C12orf42: variants seen among roughly 807,000 people sequenced by gnomAD.
C12orf42 encodes chromosome 12 open reading frame 42, also known as uncharacterized protein C12orf42.
In C12orf42, 25 loss-of-function variants were observed where a neutral mutation model predicts 21.6. That is an observed-to-expected ratio of 1.16 (90% CI 0.84 to 1.62). The LOEUF (loss-of-function observed/expected upper bound fraction) is 1.62. C12orf42 is among the 40% of genes most tolerant of loss of function. C12orf42 has a pLI of 0.00. For synonymous variants in C12orf42, 174 were observed against 175.0 expected (o/e 0.99, Z 0.05); for missense variants, 483 against 459.3 (o/e 1.05, Z -0.47).
chr12:103,474,454 A>ATGTATGTG (rs1555212293), intron 2 of C12orf42, among the ~76,000 whole-genome samples: 23 of 149,376 alleles, frequency 1.5e-4, no homozygotes, highest in East Asian at 5.9e-4. Flanking sequence ...GTATGTATGT[A>ATGTATGTG]TGTGTGTGTG....
At chr12:103,090,604 A>G in the C12orf42 span, among the ~76,000 whole-genome samples, 1 of 152,220 alleles carries the variant, frequency 6.6e-6, no homozygotes, top group Admixed American at 6.5e-5. Flanking sequence ...CTCCAATATC[A>G]TAATAGTTAT....
intron 2 of C12orf42, among the ~76,000 whole-genome samples, chr12:103,437,503 G>A (rs1399101876): frequency 5.3e-5 from 8 of 152,166 alleles, no homozygotes; most frequent in East Asian, 3.9e-4. Flanking sequence ...TTGATAGACC[G>A]CTAGCAAGGC....
the C12orf42 span, among the ~76,000 whole-genome samples, chr12:103,194,075 T>C: frequency 1.3e-5 from 2 of 152,022 alleles, no homozygotes; most frequent in Admixed American, 6.6e-5. Flanking sequence ...GATAAAATCA[T>C]ATTATCATCT....
At chr12:103,251,923 C>T (rs1436328874) in intron 10 of C12orf42, among the ~76,000 whole-genome samples, 5 of 152,122 alleles carry the variant, frequency 3.3e-5, no homozygotes, top group African/African-American at 1.2e-4. Context: ...ACAGAAATTA[C>T]TTGGGGGCAG....
the C12orf42 span, among the ~76,000 whole-genome samples, chr12:103,561,013 A>C: frequency 6.6e-6 from 1 of 152,220 alleles, no homozygotes; most frequent in South Asian, 2.1e-4. Context: ...TGATTTATTC[A>C]CCTCATTTTC....
chr12:103,460,257 A>C (rs1335491371), intron 2 of C12orf42, among the ~76,000 whole-genome samples: 2 of 137,682 alleles, frequency 1.5e-5, no homozygotes, highest in Admixed American at 1.6e-4. Context: ...TTCTCTTCCA[A>C]ACATTGGACA....
chr12:103,292,436 A>T (rs968226202), intron 4 of C12orf42, among the ~76,000 whole-genome samples: 3 of 152,174 alleles, frequency 2.0e-5, no homozygotes, highest in Non-Finnish European at 4.4e-5. Flanking sequence ...AAAGTAACCA[A>T]GCAAGAATAA....
At chr12:103,125,185 AC>A in the C12orf42 span, among the ~76,000 whole-genome samples, 1 of 152,190 alleles carries the variant, frequency 6.6e-6, no homozygotes, top group East Asian at 1.9e-4. Flanking sequence ...GAGAAAGCCT[AC>A]AGACTGAATT....
chr12:103,098,177 A>G, the C12orf42 span, among the ~76,000 whole-genome samples: 3 of 152,352 alleles, frequency 2.0e-5, no homozygotes, highest in South Asian at 2.1e-4. Flanking sequence ...CCATGGCCTC[A>G]GAATGGAAAC....
At chr12:103,473,129 T>C (rs1953757147) in intron 2 of C12orf42, among the ~76,000 whole-genome samples, 1 of 152,170 alleles carries the variant, frequency 6.6e-6, no homozygotes, top group African/African-American at 2.4e-5. Context: ...TTTAGAACAT[T>C]AGAAATAATA....
intron 4 of C12orf42, among the ~76,000 whole-genome samples, chr12:103,294,444 A>AAGAGAGAGAGAAAGGAGAGAG (rs1555245925): frequency 2.4e-5 from 3 of 127,152 alleles, no homozygotes; most frequent in African/African-American, 1.0e-4. Context: ...GAAAGAAAGA[A>AAGAGAGAGAGAAAGGAGAGAG]AGAAAGAAAG....
the C12orf42 span, chr12:103,504,362 T>G: frequency 6.1e-6 from 1 of 163,324 alleles, no homozygotes; most frequent in Non-Finnish European, 1.3e-5. Context: ...ATGTTGGGTC[T>G]CTTGGCCTCC....
In C12orf42 at chr12:103,398,798, A is replaced by G. The variant is rs147188979; in HGVS notation, c.147+2809T>C. On this transcript the variant is annotated intron_variant, in intron 3 of 5. Transcript: ENST00000548883. ...CCTTTCTTTTGTATATCAGATTTAT[A>G]TATTCTGTTCAGTTCCACGGGCCTA... Among the ~76,000 whole-genome samples, 660 of 152,168 alleles carry G rather than the reference A, an allele frequency of 4.3e-3. 5 individuals carry two copies. The highest frequency in any genetic ancestry group is 0.037 in the Middle Eastern group (11 of 294).
chr12:103,225,027 G>A, the C12orf42 span, among the ~76,000 whole-genome samples: 2,733 of 152,260 alleles, frequency 0.018, 89 homozygotes, highest in African/African-American at 0.062. Context: ...AAGTAATGGG[G>A]GCTGTCTATG....
chr12:103,091,363 T>C, the C12orf42 span, among the ~76,000 whole-genome samples: 1 of 150,262 alleles, frequency 6.7e-6, no homozygotes, highest in African/African-American at 2.5e-5. Flanking sequence ...CTCTGTGAAG[T>C]TTTTTCCCCC....
At chr12:103,193,276 T>TA in the C12orf42 span, among the ~76,000 whole-genome samples, 26 of 150,524 alleles carry the variant, frequency 1.7e-4, no homozygotes, top group Admixed American at 6.6e-4. Flanking sequence ...CACCTATATT[T>TA]AAAAAAAAGA....
intron 1 of C12orf42, among the ~76,000 whole-genome samples, chr12:103,489,921 C>T (rs146176235): frequency 7.2e-5 from 11 of 152,370 alleles, no homozygotes; most frequent in Non-Finnish European, 1.5e-4. Flanking sequence ...GAGCCAATGC[C>T]CCGCCCTGCT....
chr12:103,361,298 G>A (rs2044081288), intron 4 of C12orf42, among the ~76,000 whole-genome samples: 1 of 152,096 alleles, frequency 6.6e-6, no homozygotes, highest in Admixed American at 6.6e-5. Flanking sequence ...AAAAGGATTT[G>A]ACCTTACCTG....
the C12orf42 span, among the ~76,000 whole-genome samples, chr12:103,049,484 C>T: frequency 6.6e-6 from 1 of 152,142 alleles, no homozygotes; most frequent in Non-Finnish European, 1.5e-5. Context: ...TAATTATTCT[C>T]TCCCCTTCTG....
Sources: gnomAD v4.1 joint callset for allele counts (sites outside exome capture counted in the v4.1 genomes callset) on GRCh38, gnomAD v4.1.1 for gene constraint, MANE v1.5 for transcripts, NCBI Gene and HGNC (gene_info 2026-07-23, HGNC 2026-07-21) for gene names.